FAM20A: variants seen among roughly 807,000 people sequenced by gnomAD.
The protein encoded by FAM20A is FAM20A golgi associated secretory pathway pseudokinase.
Under a neutral mutation model 52.0 loss-of-function variants are expected in FAM20A, and 42 were observed. The ratio of observed to expected loss-of-function variants is 0.81; its 90% CI spans 0.63 to 1.04. The LOEUF (loss-of-function observed/expected upper bound fraction) is 1.04. Ranked by LOEUF, FAM20A falls within the 50% of genes least tolerant of loss-of-function variation. The pLI, the probability that FAM20A is intolerant of heterozygous loss-of-function variation, is 0.00. For missense variants in FAM20A, 742 were observed against 712.7 expected, an observed-to-expected ratio of 1.04 and a Z score of -0.47; for synonymous variants, 304 against 298.9, an observed-to-expected ratio of 1.02 and a Z score of -0.18.
In FAM20A at chr17:68,535,170, G is replaced by C. The variant is rs760475420; in HGVS notation, c.*2307C>G. 2.4e-6 allele frequency: 1 copy of C among 424,646 alleles called. No homozygotes were observed. The highest frequency in any genetic ancestry group is 4.7e-6 in the Non-Finnish European group (1 of 211,582). 26.3% of individuals were successfully genotyped at this position (424,646 alleles called of 1,614,324 possible). A position where few individuals can be genotyped will look rare whatever the true frequency, so the allele number is the denominator to read the frequency against. On this transcript the variant is annotated 3_prime_UTR_variant, in exon 11 of 11. Coordinates refer to ENST00000592554, the MANE Select transcript of FAM20A (RefSeq NM_017565.4). ...GAGGTAAACAGTTCAAAATGAACAT[G>C]CTGGAAGAACTCGAGTAAGAATGAA...
rs767988459 is a variant in FAM20A at position 68,542,054 on chromosome 17, A to G, written c.1040T>C (p.Leu347Pro). The part of the protein sequence containing the change: ...EGSLSAFLPS[L>P]NLAPRLSVPN... ...CACAGACAGCCTGGGGGCCAGGTTG[A>G]GGGACGGCAGGAAGGCAGAGAGGGA... The change falls in exon 7 of 11, where the codon CTC (leucine) becomes CCC (proline). Residue 347 changes from leucine (L) to proline (P), a missense_variant. Transcript: ENST00000592554. The G allele has an allele frequency of 6.2e-7, 1 of 1,613,994 alleles. No individual in the cohort carries two copies. Among genetic ancestry groups the G allele is most frequent in the African/African-American group, 1.3e-5 (1 of 74,910 alleles).
At position 68,540,832 on chromosome 17, in the gene FAM20A, T is replaced by G. The variant is rs576367973; in HGVS notation, c.1219+17A>C. The G allele has an allele frequency of 6.3e-7, 1 of 1,582,608 alleles. No individual in the cohort carries two copies. The highest frequency in any genetic ancestry group is 1.1e-5 in the South Asian group (1 of 87,360). On this transcript the variant is annotated intron_variant, in intron 8 of 10. Coordinates refer to ENST00000592554, the MANE Select transcript of FAM20A (RefSeq NM_017565.4). Reference sequence around the variant, plus strand: ...GCAGAGCCCACTTCTGCTGGGGGCCTGCGTGTGGGGACCTACCTATCAAGA... The same window carrying G: ...GCAGAGCCCACTTCTGCTGGGGGCCGGCGTGTGGGGACCTACCTATCAAGA...
chr17:68,549,170 C>T (rs982159645), intron 4 of FAM20A, among the ~76,000 whole-genome samples: 2 of 152,200 alleles, frequency 1.3e-5, no homozygotes, highest in Non-Finnish European at 2.9e-5. Context: ...TGGAGCTCAT[C>T]CATTGCATAT....
Position 68,543,715 on chromosome 17 carries a change from C to A in FAM20A, c.726G>T (p.Gln242His). Residue 242 changes from glutamine (Q) to histidine (H), a missense_variant, in exon 5 of 11, where the codon CAG (glutamine) becomes CAT (histidine). By Grantham distance (24) the Gln-to-His change is conservative (BLOSUM62 0). Coordinates refer to ENST00000592554, the MANE Select transcript of FAM20A (RefSeq NM_017565.4). ...AGTCCACTGGTGTCTCCTCATCTCGCTGCTGTCTGGAAGGAAGGAAGGAAT... is the reference window on the plus strand; with the variant it reads ...AGTCCACTGGTGTCTCCTCATCTCGATGCTGTCTGGAAGGAAGGAAGGAAT... Reference protein sequence around the residue: ...GKAMFKPMRQQRDEETPVDFF... With the variant: ...GKAMFKPMRQHRDEETPVDFF... 1 of 1,614,008 alleles carries A rather than the reference C, an allele frequency of 6.2e-7. No individual in the cohort carries two copies. The highest frequency in any genetic ancestry group is 1.1e-5 in the South Asian group (1 of 91,080).
At chr17:68,572,025 T>C (rs1318355559) in intron 1 of FAM20A, among the ~76,000 whole-genome samples, 8 of 119,992 alleles carry the variant, frequency 6.7e-5, no homozygotes, top group Admixed American at 8.9e-5. Flanking sequence ...TATATATATA[T>C]ATATATATAT....
intron 1 of FAM20A, among the ~76,000 whole-genome samples, chr17:68,562,998 C>G (rs2087258498): frequency 6.6e-6 from 1 of 152,176 alleles, no homozygotes; most frequent in South Asian, 2.1e-4. Flanking sequence ...GTTTGAGTGC[C>G]TGGATGCAGC....
chr17:68,593,243 G>A (rs1002772057), intron 1 of FAM20A, among the ~76,000 whole-genome samples: 4 of 152,196 alleles, frequency 2.6e-5, no homozygotes, highest in Non-Finnish European at 4.4e-5. Context: ...AGCAGAATCC[G>A]CAGGCTCTCA....
Position 68,600,781 on chromosome 17 carries a change from A to G in FAM20A, c.-115T>C, listed in dbSNP as rs534060335. 395 of 1,206,286 alleles carry G rather than the reference A, an allele frequency of 3.3e-4. No individual in the cohort carries two copies. In the African/African-American group the frequency reaches 5.7e-3, roughly 17 times the overall value. 74.7% of individuals were successfully genotyped at this position (1,206,286 alleles called of 1,614,324 possible). ...GGAGTCCCGCGGGTGGGCCGGGGTC[A>G]GTGAGACCGGAATGCTCCCCGCGCG... On this transcript the variant is annotated 5_prime_UTR_variant, in exon 1 of 11. Transcript: ENST00000592554. The surrounding 1 kb of genome is among the most constrained non-coding windows in gnomAD (Gnocchi z 6.2).
Position 68,555,541 on chromosome 17 carries a change from T to C in FAM20A, c.589+18A>G, listed in dbSNP as rs144854746. On this transcript the variant is annotated intron_variant, in intron 2 of 10. Transcript: ENST00000592554. ...GGGAGAAAGTCAGTCCCCCCTTGCT[T>C]GATCCCATGAACCTTACCAGCACTG... The C allele has an allele frequency of 6.2e-7, 1 of 1,612,304 alleles. No individual in the cohort carries two copies. The highest frequency in any genetic ancestry group is 8.5e-7 in the Non-Finnish European group (1 of 1,179,938).
rs764716509 is a variant in FAM20A, at chr17:68,537,346, A to G, written c.*131T>C. On this transcript the variant is annotated 3_prime_UTR_variant, in exon 11 of 11. Coordinates refer to ENST00000592554, the MANE Select transcript of FAM20A (RefSeq NM_017565.4). The surrounding 1 kb of genome is among the most constrained non-coding windows in gnomAD (Gnocchi z 4.2). ...CCATGGGCCCCACTTGCTGTTTGAG[A>G]AAATGTCCTGCTTCCTTCCTAGCTG... The G allele has an allele frequency of 1.1e-5, 13 of 1,202,258 alleles. No individual in the cohort carries two copies. Among genetic ancestry groups the G allele is most frequent in the Non-Finnish European group, 1.5e-5 (12 of 827,476 alleles). The allele number at this position is 1,202,258 out of a possible 1,614,324, so 74.5% of individuals were successfully genotyped here. A position where few individuals can be genotyped will look rare whatever the true frequency, so the allele number is the denominator to read the frequency against.
At chr17:68,561,591 CTTT>C (rs5821662) in intron 1 of FAM20A, among the ~76,000 whole-genome samples, 11 of 128,928 alleles carry the variant, frequency 8.5e-5, no homozygotes, top group African/African-American at 1.4e-4. Context: ...TTTGATTGCT[CTTT>C]TTTTTTTTTT....
At chr17:68,560,737 A>G (rs562517166) in intron 1 of FAM20A, among the ~76,000 whole-genome samples, 4 of 152,270 alleles carry the variant, frequency 2.6e-5, no homozygotes, top group Admixed American at 1.3e-4. Context: ...TGCATTTATA[A>G]TTGTTACTGA....
rs144286154 is a variant in FAM20A at position 68,541,853 on chromosome 17, T to G, written c.1109+132A>C. 1.7e-4 allele frequency: 186 copies of G among 1,100,598 alleles called. 1 individual carries two copies. The highest frequency in any genetic ancestry group is 6.3e-4 in the Middle Eastern group (2 of 3,200). The allele number at this position is 1,100,598 out of a possible 1,614,324, so 68.2% of individuals were successfully genotyped here. A position where few individuals can be genotyped will look rare whatever the true frequency, so the allele number is the denominator to read the frequency against. On this transcript the variant is annotated intron_variant, in intron 7 of 10. Coordinates refer to ENST00000592554, the MANE Select transcript of FAM20A (RefSeq NM_017565.4). ...AGACCCAGGCCTGCTGATCCCAGGA[T>G]CAATATGAAATGGGGCAAAGGAGTA...
intron 1 of FAM20A, among the ~76,000 whole-genome samples, chr17:68,591,003 T>A (rs1302066276): frequency 6.6e-6 from 1 of 152,164 alleles, no homozygotes; most frequent in Non-Finnish European, 1.5e-5. Context: ...GTCCCAAGGC[T>A]TTGGGTACAT....
intron 2 of FAM20A, among the ~76,000 whole-genome samples, chr17:68,555,350 A>G (rs1394264309): frequency 6.6e-6 from 1 of 152,238 alleles, no homozygotes; most frequent in Middle Eastern, 3.2e-3. Flanking sequence ...TAGGTGTACC[A>G]AACAACAGCA....
intron 1 of FAM20A, among the ~76,000 whole-genome samples, chr17:68,563,491 C>T (rs2087282540): frequency 6.6e-6 from 1 of 151,944 alleles, no homozygotes; most frequent in Non-Finnish European, 1.5e-5. Context: ...ACAGCCCACA[C>T]CCTGGAAGGA....
intron 1 of FAM20A, among the ~76,000 whole-genome samples, chr17:68,588,701 C>T (rs1180882225): frequency 6.6e-6 from 1 of 152,170 alleles, no homozygotes; most frequent in Non-Finnish European, 1.5e-5. Context: ...GGATCAAGAC[C>T]TACCCACAGG....
chr17:68,538,847 C>T (rs980548505), intron 10 of FAM20A, among the ~76,000 whole-genome samples: 21 of 152,222 alleles, frequency 1.4e-4, no homozygotes, highest in African/African-American at 2.2e-4. Context: ...AAAGACAAAA[C>T]GTTGTGGGGG....
At chr17:68,581,142 C>T (rs553539986) in intron 1 of FAM20A, among the ~76,000 whole-genome samples, 5 of 152,296 alleles carry the variant, frequency 3.3e-5, no homozygotes, top group African/African-American at 1.2e-4. Context: ...CCTATACTTC[C>T]AGAGCAGGGT....
Sources: allele counts gnomAD v4.1 joint callset (sites outside exome capture counted in the v4.1 genomes callset), GRCh38; gene constraint gnomAD v4.1.1; non-coding constraint Gnocchi (gnomAD v3.1); transcripts MANE v1.5; gene names NCBI Gene and HGNC (gene_info 2026-07-23, HGNC 2026-07-21).